Variants in SLMAP observed in about 807,000 individuals in gnomAD.
The protein encoded by SLMAP is sarcolemma associated protein.
Under a neutral mutation model 128.8 loss-of-function variants are expected in SLMAP, and 44 were observed. The ratio of observed to expected loss-of-function variants is 0.34; its 90% CI spans 0.27 to 0.44. The LOEUF is 0.44. SLMAP is among the 20% of genes least tolerant of loss of function. SLMAP has a pLI of 1.00. For missense variants in SLMAP, 787 were observed against 985.3 expected (o/e 0.80, Z 2.69); for synonymous variants, 327 against 348.8 (o/e 0.94, Z 0.70).
intron 2 of SLMAP, among the ~76,000 whole-genome samples, chr3:57,803,036 A>C (rs1168655882): frequency 6.6e-6 from 1 of 152,224 alleles, no homozygotes; most frequent in South Asian, 2.1e-4. Context: ...GTTCTAAACT[A>C]TGCAGTATGA....
At chr3:57,837,078 T>C (rs1406063678) in intron 3 of SLMAP, among the ~76,000 whole-genome samples, 1 of 152,236 alleles carries the variant, frequency 6.6e-6, no homozygotes, top group Non-Finnish European at 1.5e-5. Flanking sequence ...TCAACTGCAC[T>C]GAATTACTTT....
intron 15 of SLMAP, among the ~76,000 whole-genome samples, chr3:57,893,068 C>G (rs994647633): frequency 6.6e-6 from 1 of 151,826 alleles, no homozygotes; most frequent in Non-Finnish European, 1.5e-5. Context: ...CTCCTGACCT[C>G]TTGATCCGCC....
At chr3:57,761,667 G>A (rs140498370) in intron 2 of SLMAP, among the ~76,000 whole-genome samples, 1 of 152,278 alleles carries the variant, frequency 6.6e-6, no homozygotes, top group African/African-American at 2.4e-5. Flanking sequence ...CTGGGCGGTC[G>A]ACAATTGGGG....
chr3:57,767,333 T>A (rs2079945384), intron 2 of SLMAP, among the ~76,000 whole-genome samples: 1 of 152,218 alleles, frequency 6.6e-6, no homozygotes, highest in Non-Finnish European at 1.5e-5. Context: ...CATTCATGTT[T>A]GAATGAGGGA....
intron 2 of SLMAP, among the ~76,000 whole-genome samples, chr3:57,802,007 T>G (rs1484748986): frequency 1.3e-5 from 2 of 152,226 alleles, no homozygotes; most frequent in Non-Finnish European, 2.9e-5. Context: ...ATGTGTATAT[T>G]TATATTTTGT....
intron 2 of SLMAP, among the ~76,000 whole-genome samples, chr3:57,768,788 CCT>C (rs2080230432): frequency 6.6e-6 from 1 of 151,980 alleles, no homozygotes. Flanking sequence ...TGTGGGTGGG[CCT>C]CTCTAATCAG....
intron 21 of SLMAP, among the ~76,000 whole-genome samples, chr3:57,914,587 A>T (rs1001193743): frequency 3.4e-5 from 5 of 147,706 alleles, no homozygotes; most frequent in African/African-American, 9.9e-5. Flanking sequence ...ATATACATAA[A>T]TTTTTTTTTT....
At chr3:57,777,120 G>GGA (rs2082107638) in intron 2 of SLMAP, among the ~76,000 whole-genome samples, 1 of 99,858 alleles carries the variant, frequency 1.0e-5, no homozygotes, top group Non-Finnish European at 1.9e-5. Context: ...GAGGGGGGAG[G>GGA]GATAGCATTA....
chr3:57,824,204 G>A (rs2092750260), intron 2 of SLMAP, among the ~76,000 whole-genome samples: 1 of 152,032 alleles, frequency 6.6e-6, no homozygotes, highest in South Asian at 2.1e-4. Context: ...TGAAGACAAA[G>A]CAATTGCAAT....
intron 2 of SLMAP, among the ~76,000 whole-genome samples, chr3:57,776,520 C>CT (rs2081971708): frequency 1.8e-5 from 2 of 111,456 alleles, no homozygotes; most frequent in Admixed American, 8.7e-5. Context: ...CTCTCTCTCT[C>CT]TCTTTTTTTT....
intron 2 of SLMAP, among the ~76,000 whole-genome samples, chr3:57,785,581 C>G: frequency 6.6e-6 from 1 of 152,070 alleles, no homozygotes; most frequent in East Asian, 1.9e-4. Flanking sequence ...GTCAGCTATT[C>G]CTATAGAAAC....
intron 24 of SLMAP, chr3:57,926,220 G>A (rs889105331): frequency 1.4e-5 from 5 of 361,834 alleles, no homozygotes; most frequent in Non-Finnish European, 2.5e-5. Context: ...GCAAACTGGA[G>A]TGCACTATGA....
At chr3:57,849,629 A>G in intron 5 of SLMAP, 125 bp from the exon 6 acceptor site, 2 of 630,554 alleles carry the variant, frequency 3.2e-6, no homozygotes, top group Non-Finnish European at 5.6e-6. Flanking sequence ...CCTTTGTGCT[A>G]TAAATTTGTG....
chr3:57,856,068 C>T (rs969437477), intron 6 of SLMAP, among the ~76,000 whole-genome samples: 1 of 151,188 alleles, frequency 6.6e-6, no homozygotes, highest in African/African-American at 2.4e-5. Context: ...AAAAAATTAA[C>T]TGGGCATGGT....
intron 19 of SLMAP, among the ~76,000 whole-genome samples, chr3:57,911,923 TAAA>T (rs57106769): frequency 3.1e-4 from 16 of 52,368 alleles, no homozygotes; most frequent in African/African-American, 1.1e-3. Context: ...GGATTCACCC[TAAA>T]AAAAAAAAAA....
intron 5 of SLMAP, among the ~76,000 whole-genome samples, chr3:57,847,769 C>T (rs1360517119): frequency 1.3e-5 from 2 of 151,952 alleles, no homozygotes; most frequent in Admixed American, 1.3e-4. Flanking sequence ...GCTAATTAGC[C>T]CCCCAAAATA....
At chr3:57,869,659 T>TATATAA (rs1213782539) in intron 13 of SLMAP, among the ~76,000 whole-genome samples, 8 of 115,424 alleles carry the variant, frequency 6.9e-5, no homozygotes, top group South Asian at 5.4e-4. Context: ...TATATATATA[T>TATATAA]AATATATATA....
intron 2 of SLMAP, among the ~76,000 whole-genome samples, chr3:57,815,404 A>T (rs1317149421): frequency 6.6e-6 from 1 of 152,192 alleles, no homozygotes; most frequent in Admixed American, 6.5e-5. Flanking sequence ...CCATGCTGTG[A>T]GACAAAGGCT....
intron 3 of SLMAP, among the ~76,000 whole-genome samples, chr3:57,835,766 G>A (rs1470638864): frequency 2.0e-5 from 3 of 152,178 alleles, no homozygotes; most frequent in Admixed American, 2.0e-4. Context: ...CTGTGAAAAT[G>A]TATGGACTAA....
Sources: allele counts gnomAD v4.1 joint callset (sites outside exome capture counted in the v4.1 genomes callset), GRCh38; gene constraint gnomAD v4.1.1; transcripts MANE v1.5; gene names NCBI Gene and HGNC (gene_info 2026-07-23, HGNC 2026-07-21).